PCDHA4: variants seen among roughly 807,000 people sequenced by gnomAD.
PCDHA4 encodes the protein protocadherin alpha 4, also known as protocadherin alpha-4.
Under a neutral mutation model 61.4 loss-of-function variants are expected in PCDHA4, and 49 were observed. That is an observed-to-expected ratio of 0.80 (90% CI 0.63 to 1.01). PCDHA4 has a LOEUF of 1.01. Ranked by LOEUF, PCDHA4 falls within the 50% of genes least tolerant of loss-of-function variation. The pLI, the probability that PCDHA4 is intolerant of heterozygous loss-of-function variation, is 0.00. For synonymous variants in PCDHA4, 590 were observed against 550.3 expected (o/e 1.07, Z -1.01); for missense variants, 1,254 against 1,235.8 (o/e 1.01, Z -0.22).
chr5:140,929,471 G>C, intron 1 of PCDHA4: 1 of 1,293,428 alleles, frequency 7.7e-7, no homozygotes, highest in Non-Finnish European at 1.0e-6. Context: ...CAAGAAATCT[G>C]GAAGTATAGA....
Position 140,848,936 on chromosome 5 carries a change from G to A in PCDHA4, c.2385+39364G>A, listed in dbSNP as rs2150425486. ...ATCTGTTCATCGCGGAATCCAGGCC[G>A]CTTGACTCTCGGTTTCCACTAGAGG... is the stretch of plus-strand genomic sequence containing the variant. On this transcript the variant is annotated intron_variant, in intron 1 of 3. Coordinates refer to ENST00000530339, the MANE Select transcript of PCDHA4 (RefSeq NM_018907.4). 2.3e-5 allele frequency: 37 copies of A among 1,607,476 alleles called. No homozygotes were observed. The East Asian group carries it at 6.7e-4, about 29-fold the overall frequency.
At chr5:140,973,442 A>G (rs1230315099) in intron 1 of PCDHA4, among the ~76,000 whole-genome samples, 4 of 152,274 alleles carry the variant, frequency 2.6e-5, no homozygotes, top group Non-Finnish European at 5.9e-5. Context: ...TGGTCACTTT[A>G]TAATGACTGG....
chr5:140,999,812 G>A (rs1305602487), intron 3 of PCDHA4, among the ~76,000 whole-genome samples: 2 of 152,270 alleles, frequency 1.3e-5, no homozygotes, highest in East Asian at 3.9e-4. Flanking sequence ...CACAAAGCAA[G>A]AGCTGTGGCT....
At chr5:140,925,971 A>C (rs2082843743) in intron 1 of PCDHA4, among the ~76,000 whole-genome samples, 1 of 152,190 alleles carries the variant, frequency 6.6e-6, no homozygotes, top group African/African-American at 2.4e-5. Flanking sequence ...ACGCAAAAAA[A>C]AAGCCTTGAG....
At chr5:140,917,157 G>A (rs77234668) in intron 1 of PCDHA4, among the ~76,000 whole-genome samples, 2,784 of 152,240 alleles carry the variant, frequency 0.018, 84 homozygotes, top group African/African-American at 0.063. Context: ...TGGGGGATAT[G>A]GGAGGGGTGA....
intron 1 of PCDHA4, chr5:140,854,321 C>A: frequency 3.7e-6 from 1 of 267,696 alleles, no homozygotes; most frequent in Non-Finnish European, 5.7e-6. Context: ...TGATCAATGG[C>A]AAACTTATTT....
At chr5:140,997,636 A>G (rs2097777002) in intron 3 of PCDHA4, among the ~76,000 whole-genome samples, 2 of 151,964 alleles carry the variant, frequency 1.3e-5, no homozygotes, top group African/African-American at 4.8e-5. Flanking sequence ...AAAAAGCAAA[A>G]TGGGATAATG....
rs138800056 is a variant in PCDHA4 at position 140,842,341 on chromosome 5, T to C, written c.2385+32769T>C. 5.9e-4 allele frequency: 943 copies of C among 1,607,778 alleles called. 5 individuals are homozygous for C. The highest frequency in any genetic ancestry group is 7.8e-4 in the Non-Finnish European group (921 of 1,174,582). ...GTCATTGCACCGTTTTAGTGAGAAT[T>C]TTGGATAAAAATGATAACGTCCCTG... On this transcript the variant is annotated intron_variant, in intron 1 of 3. Transcript: ENST00000530339.
At chr5:140,842,919 T>A in intron 1 of PCDHA4, 1 of 1,594,538 alleles carries the variant, frequency 6.3e-7, no homozygotes, top group Non-Finnish European at 8.6e-7. Flanking sequence ...CTGCTGCAGT[T>A]CCAGGTGAGC....
At chr5:140,987,544 A>G (rs1316604535) in intron 3 of PCDHA4, among the ~76,000 whole-genome samples, 1 of 152,180 alleles carries the variant, frequency 6.6e-6, no homozygotes, top group Non-Finnish European at 1.5e-5. Context: ...CCATTACTTA[A>G]CTTTCCTGAT....
intron 1 of PCDHA4, among the ~76,000 whole-genome samples, chr5:140,910,929 A>G (rs2075237197): frequency 6.6e-6 from 1 of 152,176 alleles, no homozygotes; most frequent in Admixed American, 6.5e-5. Flanking sequence ...TATAAATAAG[A>G]AAGCTCAAGC....
At chr5:140,877,705 G>A (rs974017564) in intron 1 of PCDHA4, 1 of 1,614,016 alleles carries the variant, frequency 6.2e-7, no homozygotes, top group South Asian at 1.1e-5. Flanking sequence ...CTCCAGCGCC[G>A]TGGGGAGTTG....
chr5:140,815,428 T>C (rs1337784289), intron 1 of PCDHA4: 3 of 152,136 alleles, frequency 2.0e-5, no homozygotes, highest in Non-Finnish European at 2.9e-5. Context: ...TTTAAACTGA[T>C]AGCATCTTTA....
chr5:140,910,864 A>G (rs2153516118), intron 1 of PCDHA4, among the ~76,000 whole-genome samples: 1 of 152,266 alleles, frequency 6.6e-6, no homozygotes, highest in Non-Finnish European at 1.5e-5. Context: ...TCCATCCACC[A>G]TTATCCCACA....
chr5:140,807,786 T>G lies in PCDHA4; in HGVS notation c.599T>G (p.Leu200Ter). 2 of 1,614,120 alleles carry G rather than the reference T, an allele frequency of 1.2e-6. No individual in the cohort carries two copies. Among genetic ancestry groups the G allele is most frequent in the South Asian group, 2.2e-5 (2 of 91,074 alleles). ...CTTGGGCTTATATTACGGAAATCTT[T>G]AGACAGAGAAGAAGCTCCGGAGATT... ...KGLGLILRKSLDREEAPEIFL... is the reference protein window; with the variant it reads ...KGLGLILRKS Residue 200 changes from leucine to a stop codon, truncating the protein, a stop_gained, in exon 1 of 4, where the codon TTA becomes TGA. Coordinates refer to ENST00000530339, the MANE Select transcript of PCDHA4 (RefSeq NM_018907.4). LOFTEE classifies it high-confidence loss of function.
At chr5:140,888,700 T>C (rs534278841) in intron 1 of PCDHA4, among the ~76,000 whole-genome samples, 2 of 152,274 alleles carry the variant, frequency 1.3e-5, no homozygotes, top group Non-Finnish European at 2.9e-5. Flanking sequence ...CTCTGATTGG[T>C]AGGAATGTGA....
chr5:140,929,381 G>GT (rs1554207059), intron 1 of PCDHA4: 2 of 1,510,858 alleles, frequency 1.3e-6, no homozygotes, highest in African/African-American at 1.4e-5. Flanking sequence ...TGCTAGCTGT[G>GT]TTTTGAAATA....
intron 3 of PCDHA4, among the ~76,000 whole-genome samples, chr5:140,987,711 T>C (rs2097265419): frequency 6.6e-6 from 1 of 152,208 alleles, no homozygotes; most frequent in South Asian, 2.1e-4. Flanking sequence ...TTTCCAGGTA[T>C]GAGTCTATCC....
intron 1 of PCDHA4, among the ~76,000 whole-genome samples, chr5:140,914,983 G>C (rs2076933598): frequency 7.2e-6 from 1 of 139,166 alleles, no homozygotes; most frequent in Non-Finnish European, 1.5e-5. Context: ...GTCTTGCTCT[G>C]CTACCAGGCT....
Sources: gnomAD v4.1 joint callset for allele counts (sites outside exome capture counted in the v4.1 genomes callset) on GRCh38, gnomAD v4.1.1 for gene constraint, MANE v1.5 for transcripts, NCBI Gene and HGNC (gene_info 2026-07-23, HGNC 2026-07-21) for gene names.